The following SLC9A6 variants were observed in gnomAD, a reference collection of about 807,000 sequenced individuals.
SLC9A6 encodes the protein sodium/hydrogen exchanger 6.
A neutral mutation model predicts 45.3 loss-of-function variants in SLC9A6; 6 were observed. That is an observed-to-expected ratio of 0.13 (90% confidence interval 0.07 to 0.26). The LOEUF is 0.26. Among genes scored for constraint, SLC9A6 ranks in the 10% least tolerant of loss-of-function variants. The pLI is 1.00. For missense variants in SLC9A6, 278 were observed against 503.7 expected (o/e 0.55, Z 4.29); for synonymous variants, 191 against 187.7 (o/e 1.02, Z -0.14).
At chrX:136,031,197 G>A (rs782223181) in intron 15 of SLC9A6, among the ~76,000 whole-genome samples, 17 of 111,851 alleles carry the variant, frequency 1.5e-4, no homozygotes, top group African/African-American at 5.2e-4. Flanking sequence ...TAATTCCTCA[G>A]TGCCTCCTCC....
intron 1 of SLC9A6, among the ~76,000 whole-genome samples, chrX:135,977,596 C>A (rs1320112387): frequency 8.9e-6 from 1 of 111,825 alleles, no homozygotes; most frequent in African/African-American, 3.3e-5. Flanking sequence ...GGCACAAAAC[C>A]TTTCTTTGAG....
rs782698726 is a variant in SLC9A6 at position 136,047,020 on chromosome X, C to G, written c.*2296C>G. The G allele has an allele frequency of 8.9e-6, 1 of 112,649 alleles. No individual in the cohort carries two copies. Among genetic ancestry groups the G allele is most frequent in the South Asian group, 3.7e-4 (1 of 2,728 alleles). 9.3% of individuals were successfully genotyped at this position (112,649 alleles called of 1,213,427 possible). A position where few individuals can be genotyped will look rare whatever the true frequency, so the allele number is the denominator to read the frequency against. Reference sequence around the variant, plus strand: ...GGCAATGTGCTGTTAAAGTAATAGACTTTTAATCTTTATGTATTTTTTGTT... The same window carrying G: ...GGCAATGTGCTGTTAAAGTAATAGAGTTTTAATCTTTATGTATTTTTTGTT... On this transcript the variant is annotated 3_prime_UTR_variant, in exon 18 of 18. Transcript: ENST00000630721.
chrX:136,015,102 C>T (rs1165960972), intron 10 of SLC9A6, among the ~76,000 whole-genome samples: 3 of 112,697 alleles, frequency 2.7e-5, no homozygotes, highest in African/African-American at 9.7e-5. Context: ...CGGCCACATC[C>T]GGCCCTTGCC....
chrX:136,013,368 T>C lies in SLC9A6; in HGVS notation c.1011T>C (p.Phe337=). Residue 337 remains phenylalanine, a synonymous_variant, in exon 10 of 18, where the codon TTT becomes TTC. Transcript: ENST00000630721. ...WGFTGVVAVL[F]CGITQAHYTY... is the part of the protein sequence containing the mutation. ...TTATAGGTGTAGTTGCAGTATTGTT[T>C]TGTGGCATCACACAAGCACATTATA... 3.3e-6 allele frequency: 4 copies of C among 1,206,715 alleles called. No individual in the cohort carries two copies. Among genetic ancestry groups the C allele is most frequent in the Non-Finnish European group, 4.5e-6 (4 of 891,109 alleles).
chrX:135,996,977 A>G lies in SLC9A6; in HGVS notation c.370-1131A>G, dbSNP rs782570319. Among the ~76,000 whole-genome samples the G allele has an allele frequency of 3.4e-4, 38 of 110,762 alleles. No individual in the cohort carries two copies. In the South Asian group the frequency reaches 3.4e-3, roughly 10 times the overall value. ...GAGACGGGGTTTCACCGTGTTAGCC[A>G]GGATGGTCTCGATCTCCTGACTTTG... On this transcript the variant is annotated intron_variant, in intron 3 of 17. Coordinates refer to ENST00000630721, the MANE Select transcript of SLC9A6 (RefSeq NM_001379110.1).
rs558366000 is a variant in SLC9A6 at position 136,034,766 on chromosome X, A to G, written c.1661+1273A>G. ...ACTTCAAAATTAAATTATTGTATGG[A>G]AACAAGAATGCAAGCATATCTGGGG... On this transcript the variant is annotated intron_variant, in intron 16 of 17. Coordinates refer to ENST00000630721, the MANE Select transcript of SLC9A6 (RefSeq NM_001379110.1). Among the ~76,000 whole-genome samples the G allele has an allele frequency of 6.8e-4, 76 of 111,963 alleles. No homozygotes were observed. In the South Asian group the frequency reaches 0.027, roughly 40 times the overall value.
chrX:136,025,035 A>G (rs1556620430), intron 13 of SLC9A6, among the ~76,000 whole-genome samples: 1 of 112,289 alleles, frequency 8.9e-6, no homozygotes. Context: ...AAGGATATGT[A>G]TATATTTAAG....
chrX:136,021,161 C>T (rs1556619896), intron 11 of SLC9A6, among the ~76,000 whole-genome samples: 1 of 110,748 alleles, frequency 9.0e-6, no homozygotes, highest in East Asian at 2.8e-4. Flanking sequence ...TATACTAACT[C>T]ATATATACAC....
chrX:135,987,932 T>C (rs1240773196), intron 2 of SLC9A6, among the ~76,000 whole-genome samples: 1 of 111,631 alleles, frequency 9.0e-6, no homozygotes, highest in African/African-American at 3.3e-5. Flanking sequence ...AAATGATAGC[T>C]GTGCTATTAT....
chrX:136,032,116 A>G (rs946497755), intron 15 of SLC9A6, among the ~76,000 whole-genome samples: 2 of 112,142 alleles, frequency 1.8e-5, no homozygotes, highest in Non-Finnish European at 3.8e-5. Flanking sequence ...CGGTCATGCT[A>G]GAGTGCAGTG....
chrX:136,033,441 A>C lies in SLC9A6; in HGVS notation c.1609A>C (p.Thr537Pro). 8.4e-7 allele frequency: 1 copy of C among 1,184,062 alleles called. No individual in the cohort carries two copies. The highest frequency in any genetic ancestry group is 1.8e-5 in the African/African-American group (1 of 56,994). ...TGTTCCTGAAAATGAAAGGAGAACT[A>C]CCAAAGCAGAGAGTGCTTGGCTTTT... Reference protein sequence around the residue: ...LGVPENERRTTKAESAWLFRM... With the variant: ...LGVPENERRTPKAESAWLFRM... The change falls in exon 16 of 18, where the codon ACC (threonine) becomes CCC (proline). Residue 537 changes from threonine (T) to proline (P), a missense_variant. Thr to Pro is a conservative substitution (Grantham distance 38, BLOSUM62 -1). Around this residue, in one of 5 missense-constraint regions of SLC9A6, gnomAD observed 91 missense variants for 125.1 expected, o/e 0.73. Transcript: ENST00000630721.
At position 135,996,960 on chromosome X, in the gene SLC9A6, G is replaced by C. The variant is rs981971324; in HGVS notation, c.370-1148G>C. ...TTTTTGTATTTTTAATAGAGACGGGGTTTCACCGTGTTAGCCAGGATGGTC... is the reference window on the plus strand; with the variant it reads ...TTTTTGTATTTTTAATAGAGACGGGCTTTCACCGTGTTAGCCAGGATGGTC... On this transcript the variant is annotated intron_variant, in intron 3 of 17. Coordinates refer to ENST00000630721, the MANE Select transcript of SLC9A6 (RefSeq NM_001379110.1). Among the ~76,000 whole-genome samples the C allele has an allele frequency of 1.3e-4, 14 of 110,438 alleles. No homozygotes were observed. In the South Asian group the frequency reaches 5.4e-3, roughly 43 times the overall value.
chrX:135,989,634 T>C (rs1198041584), intron 2 of SLC9A6, among the ~76,000 whole-genome samples: 5 of 112,230 alleles, frequency 4.5e-5, no homozygotes, highest in Non-Finnish European at 9.4e-5. Flanking sequence ...CTGTAGAAAT[T>C]GTATCAGTTT....
At chrX:136,017,084 C>A (rs2071032615) in intron 11 of SLC9A6, among the ~76,000 whole-genome samples, 1 of 111,424 alleles carries the variant, frequency 9.0e-6, no homozygotes, top group Admixed American at 9.6e-5. Context: ...GTCTATGCCA[C>A]AGGGCAGAAG....
chrX:135,989,337 C>T (rs928922398), intron 2 of SLC9A6, among the ~76,000 whole-genome samples: 3 of 111,684 alleles, frequency 2.7e-5, no homozygotes, highest in Admixed American at 1.9e-4. Flanking sequence ...TAAAAGTTGT[C>T]GAGGTAGTTA....
At position 136,027,316 on chromosome X, in the gene SLC9A6, C is replaced by T. The variant is rs138510758; in HGVS notation, c.1461-1570C>T. On this transcript the variant is annotated intron_variant, in intron 13 of 17. Transcript: ENST00000630721. ...GAGGTTATGTTTGAGTTCAGTCTTA[C>T]CTACGTGACTAGATGGTGCCAGTTA... Among the ~76,000 whole-genome samples, 14 of 111,385 alleles carry T rather than the reference C, an allele frequency of 1.3e-4. No individual in the cohort carries two copies. In the East Asian group the frequency reaches 3.9e-3, roughly 31 times the overall value.
intron 2 of SLC9A6, among the ~76,000 whole-genome samples, chrX:135,988,414 C>T (rs940032394): frequency 9.1e-6 from 1 of 110,179 alleles, no homozygotes; most frequent in Non-Finnish European, 1.9e-5. Flanking sequence ...AAGTTTCTTT[C>T]TTTCTCTCTC....
intron 7 of SLC9A6, among the ~76,000 whole-genome samples, chrX:136,005,702 A>C (rs2089647444): frequency 9.3e-6 from 1 of 107,698 alleles, no homozygotes; most frequent in South Asian, 4.0e-4. Context: ...AAAGAGAGAG[A>C]GCCCTTTCCA....
In SLC9A6 at chrX:136,033,506, G is replaced by GA; in HGVS notation, c.1661+14dup. On this transcript the variant is annotated intron_variant, in intron 16 of 17. Transcript: ENST00000630721. ...ACTTTGATCATAAGTATCCTTAATT[G>GA]AGGGAAAAAAAAAAAGGATAATGTG... is the stretch of plus-strand genomic sequence containing the variant. 9.8e-7 allele frequency: 1 copy of GA among 1,024,028 alleles called. No individual in the cohort carries two copies. Among genetic ancestry groups the GA allele is most frequent in the Admixed American group, 2.4e-5 (1 of 42,505 alleles). 84.4% of individuals were successfully genotyped at this position (1,024,028 alleles called of 1,213,427 possible). A position where few individuals can be genotyped will look rare whatever the true frequency, so the allele number is the denominator to read the frequency against.
Sources: allele counts gnomAD v4.1 joint callset (sites outside exome capture counted in the v4.1 genomes callset), GRCh38; gene constraint gnomAD v4.1.1; regional missense constraint gnomAD v4.1.1; transcripts MANE v1.5; gene names NCBI Gene and HGNC (gene_info 2026-07-23, HGNC 2026-07-21).